The following VRTN variants were observed in gnomAD, a reference collection of about 807,000 sequenced individuals.
VRTN encodes the protein vertebrae development associated.
In VRTN, 5 loss-of-function variants were observed where a neutral mutation model predicts 18.2. The ratio of observed to expected loss-of-function variants is 0.27; its 90% CI spans 0.14 to 0.58. The LOEUF (loss-of-function observed/expected upper bound fraction) is 0.58. Among genes scored for constraint, VRTN ranks in the 20% least tolerant of loss-of-function variants. The pLI, the probability that VRTN is intolerant of heterozygous loss-of-function variation, is 0.91. For synonymous variants in VRTN, 381 were observed against 393.7 expected, an observed-to-expected ratio of 0.97 and a Z score of 0.38; for missense variants, 741 against 939.4, an observed-to-expected ratio of 0.79 and a Z score of 2.76.
intron 1 of VRTN, among the ~76,000 whole-genome samples, chr14:74,331,835 G>GT (rs2085527628): frequency 6.6e-6 from 1 of 151,810 alleles, no homozygotes. Context: ...GAAGCTAGAA[G>GT]TAAAAGCCCA....
intron 1 of VRTN, 135 bp from the exon 2 acceptor site, chr14:74,356,648 C>T (rs923592843): frequency 5.6e-6 from 7 of 1,256,510 alleles, no homozygotes; most frequent in African/African-American, 3.0e-5. Context: ...GAACCAATCC[C>T]GTCTGTTGTG....
At chr14:74,336,726 T>C (rs1329600824) in intron 1 of VRTN, among the ~76,000 whole-genome samples, 1 of 152,114 alleles carries the variant, frequency 6.6e-6, no homozygotes, top group East Asian at 1.9e-4. Context: ...TCAGTTGAGA[T>C]CGTGCCATTG....
intron 2 of VRTN, among the ~76,000 whole-genome samples, chr14:74,340,332 A>G (rs1181665433): frequency 2.6e-5 from 4 of 151,796 alleles, no homozygotes; most frequent in Non-Finnish European, 4.4e-5. Flanking sequence ...GGCTGGTCTC[A>G]AACTCCTGAC....
At chr14:74,327,710 T>TATTATTA (rs111392669) in intron 1 of VRTN, among the ~76,000 whole-genome samples, 2,250 of 151,072 alleles carry the variant, frequency 0.015, 52 homozygotes, top group African/African-American at 0.052. Flanking sequence ...TTGATTTTAT[T>TATTATTA]TTATTATTAT....
chr14:74,321,954 C>T (rs1390340232), intron 1 of VRTN, among the ~76,000 whole-genome samples: 1 of 152,148 alleles, frequency 6.6e-6, no homozygotes, highest in African/African-American at 2.4e-5. Flanking sequence ...GATTTTCCTG[C>T]CTCAGCCTCC....
rs117752932 is a variant in VRTN at position 74,322,847 on chromosome 14, C to G, written c.-163-14876C>G. On this transcript the variant is annotated intron_variant, in intron 1 of 2. Coordinates refer to the VRTN transcript ENST00000557177. ...TGAGTGAATGAACTTAAAAAGCATACTAGGGACCGGGCACGGTGGCTCACG... is the reference window on the plus strand; with the variant it reads ...TGAGTGAATGAACTTAAAAAGCATAGTAGGGACCGGGCACGGTGGCTCACG... Among the ~76,000 whole-genome samples, 337 of 152,236 alleles carry G rather than the reference C, an allele frequency of 2.2e-3. 22 individuals are homozygous for G. The East Asian group carries it at 0.059, about 27-fold the overall frequency.
At chr14:74,303,151 G>C in exon 1 of VRTN, 1 of 432,846 alleles carries the variant, frequency 2.3e-6, no homozygotes, top group Non-Finnish European at 4.1e-6. Flanking sequence ...TTGACAATAG[G>C]TATCCGAGAG....
At chr14:74,356,759 C>A (rs930703233) in intron 1 of VRTN, 24 bp from the exon 2 acceptor site, 2 of 1,558,256 alleles carry the variant, frequency 1.3e-6, no homozygotes, top group Non-Finnish European at 1.7e-6. Flanking sequence ...CTGACTACTG[C>A]CCCTTTATCT....
At chr14:74,330,629 C>T (rs888126376) in intron 1 of VRTN, among the ~76,000 whole-genome samples, 3 of 151,628 alleles carry the variant, frequency 2.0e-5, no homozygotes, top group Admixed American at 6.6e-5. Context: ...TTAGTAGAGA[C>T]GGGGTTTCTC....
chr14:74,327,820 G>A (rs1200839794), intron 1 of VRTN, among the ~76,000 whole-genome samples: 5 of 152,018 alleles, frequency 3.3e-5, no homozygotes, highest in African/African-American at 9.7e-5. Context: ...TCCCAGGTTC[G>A]AGCAATTCTC....
upstream of VRTN, among the ~76,000 whole-genome samples, chr14:74,347,623 C>T (rs910046419): frequency 6.6e-6 from 1 of 152,202 alleles, no homozygotes; most frequent in Non-Finnish European, 1.5e-5. Context: ...GGCTGGAAAG[C>T]CCCTTGGGGG....
intron 2 of VRTN, among the ~76,000 whole-genome samples, chr14:74,338,333 A>G (rs1451216674): frequency 6.6e-6 from 1 of 152,180 alleles, no homozygotes; most frequent in Non-Finnish European, 1.5e-5. Flanking sequence ...CCCTCTTAGC[A>G]CAGATCTCTG....
Position 74,357,510 on chromosome 14 carries a change from C to A in VRTN, c.727C>A (p.Leu243Met). 1 of 1,613,066 alleles carries A rather than the reference C, an allele frequency of 6.2e-7. No individual in the cohort carries two copies. The highest frequency in any genetic ancestry group is 8.5e-7 in the Non-Finnish European group (1 of 1,179,996). ...CCAGTACTTTGCCCCTGTGGTGGGG[C>A]TGGAAGAGGTGGAGGCTGAAGGTGC... ...RHQYFAPVVG[L>M]EEVEAEGAPG... is the part of the protein sequence containing the mutation. Residue 243 changes from leucine to methionine, a missense_variant, in exon 2 of 2, where the codon CTG becomes ATG. Leu to Met is a conservative substitution (Grantham distance 15). Around this residue, in one of 3 missense-constraint regions of VRTN, gnomAD observed 494 missense variants for 546.5 expected, o/e 0.90. Transcript: ENST00000256362. This position sits in a 1 kb window ranked among gnomAD's most constrained non-coding sequence, Gnocchi z 7.8.
chr14:74,331,894 T>G (rs76493294), intron 1 of VRTN, among the ~76,000 whole-genome samples: 2,393 of 152,156 alleles, frequency 0.016, 60 homozygotes, highest in African/African-American at 0.055. Context: ...ACTCTGTCAC[T>G]TCTAAGGGAC....
intron 1 of VRTN, among the ~76,000 whole-genome samples, chr14:74,329,247 C>T (rs1203989557): frequency 6.6e-6 from 1 of 151,304 alleles, no homozygotes; most frequent in Non-Finnish European, 1.5e-5. Flanking sequence ...TGCACTCCAG[C>T]CTGGGCGACA....
At chr14:74,324,164 G>C (rs976818064) in intron 1 of VRTN, among the ~76,000 whole-genome samples, 1 of 150,928 alleles carries the variant, frequency 6.6e-6, no homozygotes, top group African/African-American at 2.4e-5. Flanking sequence ...CGAGGCAGGC[G>C]GATCATGAGG....
At chr14:74,318,754 C>T (rs898711633) in intron 1 of VRTN, among the ~76,000 whole-genome samples, 2 of 129,656 alleles carry the variant, frequency 1.5e-5, no homozygotes, top group South Asian at 2.6e-4. Context: ...TGCTCTGTTG[C>T]TCAGGGTGGA....
chr14:74,351,544 G>A (rs373533787), intron 1 of VRTN, among the ~76,000 whole-genome samples: 1 of 143,640 alleles, frequency 7.0e-6, no homozygotes, highest in Non-Finnish European at 1.5e-5. Flanking sequence ...TCTGACACCC[G>A]GGCTGGAGTG....
chr14:74,327,930 G>A (rs1194348828), intron 1 of VRTN, among the ~76,000 whole-genome samples: 2 of 151,886 alleles, frequency 1.3e-5, no homozygotes, highest in Admixed American at 6.6e-5. Context: ...AATGTTGGCC[G>A]GGCTGGTCGC....
Sources: allele counts gnomAD v4.1 joint callset (sites outside exome capture counted in the v4.1 genomes callset), GRCh38; gene constraint gnomAD v4.1.1; regional missense constraint gnomAD v4.1.1; non-coding constraint Gnocchi (gnomAD v3.1); transcripts MANE v1.5; gene names NCBI Gene and HGNC (gene_info 2026-07-23, HGNC 2026-07-21).